CFAP54: variants seen among roughly 807,000 people sequenced by gnomAD.
CFAP54 encodes the protein cilia and flagella associated protein 54.
CFAP54 carries 290 observed loss-of-function variants against 370.4 expected under a neutral mutation model. That is an observed-to-expected ratio of 0.78 (90% CI 0.71 to 0.86). CFAP54 has a LOEUF of 0.86. Ranked by LOEUF, CFAP54 falls within the 40% of genes least tolerant of loss-of-function variation. The pLI, the probability that CFAP54 is intolerant of heterozygous loss-of-function variation, is 0.00. For missense variants in CFAP54, 3,399 were observed against 3,528.7 expected (o/e 0.96, Z 0.93); for synonymous variants, 1,206 against 1,236.5 (o/e 0.98, Z 0.52).
chr12:96,619,075 G>C (rs1212417656), intron 26 of CFAP54, among the ~76,000 whole-genome samples: 4 of 152,096 alleles, frequency 2.6e-5, no homozygotes, highest in African/African-American at 9.7e-5. Context: ...TGTTGCTCAG[G>C]CTGGTCTTGA....
chr12:96,699,182 A>G (rs1957466440), intron 45 of CFAP54, among the ~76,000 whole-genome samples: 1 of 152,182 alleles, frequency 6.6e-6, no homozygotes, highest in Non-Finnish European at 1.5e-5. Context: ...ATGCAAACGA[A>G]GACTCGCCTG....
At chr12:96,663,794 C>T (rs1462988078) in intron 38 of CFAP54, 36 bp from the exon 39 acceptor site, 2 of 1,468,050 alleles carry the variant, frequency 1.4e-6, no homozygotes, top group African/African-American at 1.4e-5. Flanking sequence ...ACTATAAATA[C>T]CCGACTAATA....
intron 18 of CFAP54, 24 bp from the exon 19 acceptor site, chr12:96,564,620 T>A: frequency 1.5e-6 from 1 of 653,212 alleles, no homozygotes. Context: ...TCTCACCTTT[T>A]TGGTAAAATG....
intron 25 of CFAP54, among the ~76,000 whole-genome samples, chr12:96,597,213 A>G (rs1956189637): frequency 6.6e-6 from 1 of 152,110 alleles, no homozygotes; most frequent in Non-Finnish European, 1.5e-5. Context: ...CATTTATCTG[A>G]CACAACAATT....
At chr12:96,872,828 A>G (rs1773469565) in intron 67 of CFAP54, among the ~76,000 whole-genome samples, 2 of 152,170 alleles carry the variant, frequency 1.3e-5, no homozygotes, top group Non-Finnish European at 2.9e-5. Context: ...CAGTTTTTCC[A>G]GAACTGAGAT....
intron 34 of CFAP54, 66 bp downstream of exon 34, chr12:96,648,083 A>C: frequency 2.5e-6 from 3 of 1,207,160 alleles, no homozygotes; most frequent in Non-Finnish European, 3.3e-6. Context: ...ACAACACAGC[A>C]CACATACACA....
At chr12:96,700,530 T>G (rs528234629) in intron 46 of CFAP54, among the ~76,000 whole-genome samples, 1 of 152,202 alleles carries the variant, frequency 6.6e-6, no homozygotes, top group African/African-American at 2.4e-5. Flanking sequence ...GTGTTCAAAT[T>G]TCTTCTGATT....
chr12:96,774,958 T>A (rs1450194876), intron 60 of CFAP54, among the ~76,000 whole-genome samples: 1 of 152,200 alleles, frequency 6.6e-6, no homozygotes, highest in African/African-American at 2.4e-5. Context: ...CTCCACTTGG[T>A]CATCCATGAA....
Position 96,489,884 on chromosome 12 carries a change from T to C in CFAP54, c.275T>C (p.Leu92Ser), listed in dbSNP as rs1274820864. The C allele has an allele frequency of 6.5e-7, 1 of 1,535,050 alleles. No homozygotes were observed. The highest frequency in any genetic ancestry group is 2.0e-5 in the Admixed American group (1 of 50,914). The change falls in exon 1 of 68, where the codon TTA becomes TCA. Residue 92 changes from leucine to serine, a missense_variant. Physicochemically the swap from Leu to Ser is moderately radical, Grantham distance 145. This residue lies in a region of CFAP54 where 559 missense variants were observed against 576.7 expected (regional missense o/e 0.97). Coordinates refer to ENST00000524981, the MANE Select transcript of CFAP54 (RefSeq NM_001306084.2). ...GGCTTTATGAGGAAAAAGAAGGCTT[T>C]AGCCACCACGGAGGAAGAGAAGCAC... is the stretch of plus-strand genomic sequence containing the variant. Reference protein sequence around the residue: ...LLGFMRKKKALATTEEEKHEF... With the variant: ...LLGFMRKKKASATTEEEKHEF...
chr12:96,792,926 TAAAC>T (rs1258127993), intron 63 of CFAP54, among the ~76,000 whole-genome samples: 1 of 152,114 alleles, frequency 6.6e-6, no homozygotes, highest in Non-Finnish European at 1.5e-5. Context: ...GTTTCTGAGA[TAAAC>T]TCAAATTGGT....
chr12:96,856,493 C>T (rs1342009296), intron 66 of CFAP54, among the ~76,000 whole-genome samples: 1 of 152,202 alleles, frequency 6.6e-6, no homozygotes, highest in Non-Finnish European at 1.5e-5. Context: ...GTTCAGAGTT[C>T]CACAGATCTC....
intron 55 of CFAP54, among the ~76,000 whole-genome samples, chr12:96,748,878 A>G (rs1243838579): frequency 2.0e-5 from 3 of 152,162 alleles, no homozygotes; most frequent in Non-Finnish European, 4.4e-5. Context: ...CAATCTGCAG[A>G]TAAGTCTCTT....
intron 64 of CFAP54, among the ~76,000 whole-genome samples, chr12:96,814,675 A>G (rs541695651): frequency 3.3e-4 from 51 of 152,296 alleles, no homozygotes; most frequent in African/African-American, 1.2e-3. Context: ...CACATGTATT[A>G]GGTATTTGTC....
Position 96,489,727 on chromosome 12 carries a change from GGGAGCTCCC to G in CFAP54, c.126_134del (p.Arg43_Ser45del). 1 of 1,536,064 alleles carries G rather than the reference GGGAGCTCCC, an allele frequency of 6.5e-7. No homozygotes were observed. The highest frequency in any genetic ancestry group is 8.7e-7 in the Non-Finnish European group (1 of 1,146,892). On this transcript the variant is annotated inframe_deletion, in exon 1 of 68. Coordinates refer to ENST00000524981, the MANE Select transcript of CFAP54 (RefSeq NM_001306084.2). ...TTCGAGGTCGCCCCCAGAGTCGAAG[GGGAGCTCCC>G]GGAGCTCGCTGCTTCAGTGGACCTG... is the stretch of plus-strand genomic sequence containing the variant.
At position 96,835,990 on chromosome 12, in the gene CFAP54, G is replaced by T. The variant is rs1271557229; in HGVS notation, c.9171+6902G>T. 3.3e-5 allele frequency among the ~76,000 whole-genome samples: 5 copies of T among 152,156 alleles called. No individual in the cohort carries two copies. In the South Asian group the frequency reaches 6.2e-4, roughly 19 times the overall value. On this transcript the variant is annotated intron_variant, in intron 66 of 67. Transcript: ENST00000524981. Reference sequence around the variant, plus strand: ...CTGTCTAGGGGAGAGAAGGACAAAGGATGGAGCAGAGCCCTAAGTGACATG... The same window carrying T: ...CTGTCTAGGGGAGAGAAGGACAAAGTATGGAGCAGAGCCCTAAGTGACATG...
intron 66 of CFAP54, among the ~76,000 whole-genome samples, chr12:96,838,540 GGA>G (rs1198728755): frequency 6.6e-6 from 1 of 152,090 alleles, no homozygotes; most frequent in South Asian, 2.1e-4. Flanking sequence ...ACATGTGGCA[GGA>G]GAGAGAGAGA....
chr12:96,621,453 C>T (rs567905731), intron 26 of CFAP54, 137 bp from the exon 27 acceptor site: 4 of 535,030 alleles, frequency 7.5e-6, no homozygotes, highest in Non-Finnish European at 1.2e-5. Context: ...GGTAAACTTA[C>T]GGTTTTTTTT....
At chr12:96,668,771 T>C (rs1208210142) in intron 39 of CFAP54, among the ~76,000 whole-genome samples, 1 of 152,238 alleles carries the variant, frequency 6.6e-6, no homozygotes, top group Non-Finnish European at 1.5e-5. Context: ...TGTGTCTCTG[T>C]TTCTGGTATC....
chr12:96,529,298 T>G (rs1955415651), intron 9 of CFAP54, among the ~76,000 whole-genome samples: 1 of 152,238 alleles, frequency 6.6e-6, no homozygotes, highest in Non-Finnish European at 1.5e-5. Flanking sequence ...GGTTAGATCT[T>G]CTCTATCCCT....
Sources: gnomAD v4.1 joint callset for allele counts (sites outside exome capture counted in the v4.1 genomes callset) on GRCh38, gnomAD v4.1.1 for gene constraint, gnomAD v4.1.1 regional missense constraint, MANE v1.5 for transcripts, NCBI Gene and HGNC (gene_info 2026-07-23, HGNC 2026-07-21) for gene names.